Variants in CASP4 observed in about 807,000 individuals in gnomAD.
CASP4 encodes caspase-4.
In CASP4, 29 loss-of-function variants were observed where a neutral mutation model predicts 41.3. The observed-to-expected ratio is 0.70, with a 90% CI of 0.52 to 0.96. The LOEUF is 0.96. Ranked by LOEUF, CASP4 falls within the 40% of genes least tolerant of loss-of-function variation. The pLI is 0.00. For missense variants in CASP4, 447 were observed against 460.6 expected, an observed-to-expected ratio of 0.97 and a Z score of 0.27; for synonymous variants, 185 against 158.4, an observed-to-expected ratio of 1.17 and a Z score of -1.26.
At chr11:104,963,969 T>C (rs1860917616) in intron 1 of CASP4, among the ~76,000 whole-genome samples, 1 of 152,222 alleles carries the variant, frequency 6.6e-6, no homozygotes. Context: ...AGTTAACAAC[T>C]GGCAAATAAA....
intron 1 of CASP4, among the ~76,000 whole-genome samples, chr11:104,962,494 G>A (rs1342892412): frequency 6.6e-6 from 1 of 152,254 alleles, no homozygotes; most frequent in South Asian, 2.1e-4. Context: ...TGGAAAGAGG[G>A]GTATCACAAG....
chr11:104,961,955 C>A (rs952632813), intron 1 of CASP4, among the ~76,000 whole-genome samples: 1 of 152,158 alleles, frequency 6.6e-6, no homozygotes, highest in South Asian at 2.1e-4. Context: ...TCGTCCCTCC[C>A]CACCTGGAGT....
intron 8 of CASP4, 174 bp downstream of exon 8, chr11:104,944,574 G>A: frequency 1.9e-6 from 1 of 540,350 alleles, no homozygotes; most frequent in Non-Finnish European, 3.3e-6. Context: ...TGTAGAGTTG[G>A]AGGAATCCAA....
chr11:104,965,497 C>G (rs911264672), intron 1 of CASP4, among the ~76,000 whole-genome samples: 1 of 152,164 alleles, frequency 6.6e-6, no homozygotes, highest in African/African-American at 2.4e-5. Context: ...ATTGAAACTG[C>G]CTTTGCAATA....
At chr11:104,951,358 C>T in intron 3 of CASP4, 1 of 319,924 alleles carries the variant, frequency 3.1e-6, no homozygotes, top group Non-Finnish European at 5.7e-6. Flanking sequence ...TCCAATCTTT[C>T]TTAGCATTCA....
chr11:104,967,640 G>A (rs1273174909), intron 1 of CASP4, among the ~76,000 whole-genome samples: 11 of 152,158 alleles, frequency 7.2e-5, no homozygotes, highest in South Asian at 2.1e-4. Context: ...ATTATGTGAC[G>A]ATCTTCAAAG....
chr11:104,964,972 A>T (rs1860941104), intron 1 of CASP4, among the ~76,000 whole-genome samples: 1 of 152,232 alleles, frequency 6.6e-6, no homozygotes, highest in South Asian at 2.1e-4. Context: ...GTAAGACTAA[A>T]GCTTATTTTG....
At chr11:104,965,838 T>C (rs550513003) in intron 1 of CASP4, among the ~76,000 whole-genome samples, 1 of 152,278 alleles carries the variant, frequency 6.6e-6, no homozygotes, top group South Asian at 2.1e-4. Flanking sequence ...TAAAATCTAA[T>C]ATCAGCACTT....
intron 1 of CASP4, among the ~76,000 whole-genome samples, chr11:104,967,606 C>G (rs938411328): frequency 1.3e-5 from 2 of 152,136 alleles, no homozygotes; most frequent in Admixed American, 1.3e-4. Flanking sequence ...TAGAACAAAC[C>G]TATGTCAAGT....
At chr11:104,958,700 A>T (rs1274905891) in intron 1 of CASP4, among the ~76,000 whole-genome samples, 1 of 151,902 alleles carries the variant, frequency 6.6e-6, no homozygotes. Context: ...GTGGCTCACG[A>T]CTGTAATCCC....
chr11:104,950,982 C>T lies in CASP4; in HGVS notation c.489G>A (p.Lys163=), dbSNP rs773339379. The change falls in exon 4 of 9, where the codon AAG becomes AAA. Residue 163 remains lysine, a synonymous_variant. Coordinates refer to ENST00000444739, the MANE Select transcript of CASP4 (RefSeq NM_001225.4). ...NGADFDITGM[K]ELLEGLDYSV... ...TATAGTCCAGACCCTCAAGTAGCTC[C>T]TTCATCCCTGTGATGTCAAAGTCAG... 1.2e-6 allele frequency: 2 copies of T among 1,613,318 alleles called. No individual in the cohort carries two copies. The highest frequency in any genetic ancestry group is 1.3e-5 in the African/African-American group (1 of 74,866).
At chr11:104,961,190 C>A (rs924709934) in intron 1 of CASP4, among the ~76,000 whole-genome samples, 1 of 152,346 alleles carries the variant, frequency 6.6e-6, no homozygotes, top group Non-Finnish European at 1.5e-5. Context: ...TCTCCACTGG[C>A]AGGCACTGCC....
Position 104,944,845 on chromosome 11 carries a change from G to A in CASP4, c.1042C>T (p.Gln348Ter). ...TTGGCCCTTGGAGTTTCAAATGATT[G>A]CTGTACCTGAAAAAGAAAATAGGCT... ...HLEEVFRKVQ[Q>*]SFETPRAKAQ... Residue 348 changes from glutamine to a stop codon, truncating the protein, a stop_gained, in exon 8 of 9, where the codon CAA becomes TAA. Coordinates refer to ENST00000444739, the MANE Select transcript of CASP4 (RefSeq NM_001225.4). LOFTEE classifies it high-confidence loss of function. 1 of 1,608,842 alleles carries A rather than the reference G, an allele frequency of 6.2e-7. No individual in the cohort carries two copies. The highest frequency in any genetic ancestry group is 1.7e-5 in the Admixed American group (1 of 59,952).
At chr11:104,950,446 C>A (rs1363852484) in intron 4 of CASP4, among the ~76,000 whole-genome samples, 1 of 152,074 alleles carries the variant, frequency 6.6e-6, no homozygotes, top group African/African-American at 2.4e-5. Context: ...ACACCTGGTG[C>A]TTGAAGTTGT....
rs750283841 is a variant in CASP4, at chr11:104,948,643, G to A, written c.815C>T (p.Pro272Leu). ...NRGELWVRDS[P>L]ASLEVASSQS... is the part of the protein sequence containing the mutation. ...TGAAGAGGCCACTTCCAAGGATGCT[G>A]GAGAGTCTCTGACCCACAGTTCCCC... Residue 272 changes from proline (P) to leucine (L), a missense_variant, in exon 6 of 9, where the codon CCA (proline) becomes CTA (leucine). Pro to Leu is a moderately conservative substitution (Grantham distance 98). Coordinates refer to ENST00000444739, the MANE Select transcript of CASP4 (RefSeq NM_001225.4). 1.9e-6 allele frequency: 3 copies of A among 1,609,680 alleles called. No homozygotes were observed. Among genetic ancestry groups the A allele is most frequent in the Non-Finnish European group, 2.5e-6 (3 of 1,177,346 alleles).
chr11:104,968,514 C>G lies in CASP4; in HGVS notation c.7+5G>C. 6.2e-7 allele frequency: 1 copy of G among 1,612,826 alleles called. No homozygotes were observed. The highest frequency in any genetic ancestry group is 8.5e-7 in the Non-Finnish European group (1 of 1,178,906). ...TCCCAAACTCCTAGTCAGAAAAGGA[C>G]TCACCTGCCATAGGGAACAGCCTCT... is the stretch of plus-strand genomic sequence containing the variant. On this transcript the variant is annotated splice_donor_5th_base_variant and intron_variant, in intron 1 of 8. Coordinates refer to ENST00000444739, the MANE Select transcript of CASP4 (RefSeq NM_001225.4).
chr11:104,948,537 C>A lies in CASP4; in HGVS notation c.921G>T (p.Thr307=). Residue 307 remains threonine, a synonymous_variant, in exon 6 of 9, where the codon ACG becomes ACT. Coordinates refer to ENST00000444739, the MANE Select transcript of CASP4 (RefSeq NM_001225.4). ...EKDFIAFCSS[T]PHNVSWRDST... is the part of the protein sequence containing the mutation. ...CTGCCACTGAAAGATACATACGTGG[C>A]GTTGAAGAGCAGAAAGCAATGAAGT... The A allele has an allele frequency of 1.2e-6, 2 of 1,602,184 alleles. No individual in the cohort carries two copies. The highest frequency in any genetic ancestry group is 1.7e-6 in the Non-Finnish European group (2 of 1,172,740).
intron 1 of CASP4, among the ~76,000 whole-genome samples, chr11:104,958,960 C>CAAAAAA (rs56678254): frequency 6.4e-5 from 4 of 62,466 alleles, no homozygotes; most frequent in African/African-American, 1.8e-4. Context: ...GACTCTGTCT[C>CAAAAAA]AAAAAAAAAA....
intron 1 of CASP4, among the ~76,000 whole-genome samples, chr11:104,961,008 A>G (rs373277263): frequency 1.3e-5 from 2 of 152,224 alleles, no homozygotes; most frequent in East Asian, 1.9e-4. Flanking sequence ...GGAATATGAA[A>G]CCACCTTTGC....
Sources: gnomAD v4.1 joint callset for allele counts (sites outside exome capture counted in the v4.1 genomes callset) on GRCh38, gnomAD v4.1.1 for gene constraint, MANE v1.5 for transcripts, NCBI Gene and HGNC (gene_info 2026-07-23, HGNC 2026-07-21) for gene names.